Variants in PTPRT observed in about 807,000 individuals in gnomAD.
The protein encoded by PTPRT is receptor-type tyrosine-protein phosphatase T.
PTPRT carries 56 observed loss-of-function variants against 176.8 expected under a neutral mutation model. That is an observed-to-expected ratio of 0.32 (90% CI 0.26 to 0.40). PTPRT has a LOEUF of 0.40. Ranked by LOEUF, PTPRT falls within the 10% of genes least tolerant of loss-of-function variation. The probability of loss-of-function intolerance (pLI) is 1.00; values close to 1 mark genes in which losing one functional copy is unlikely to be tolerated. For missense variants in PTPRT, 1,540 were observed against 1,908.2 expected (o/e 0.81, Z 3.60); for synonymous variants, 783 against 739.0 (o/e 1.06, Z -0.96).
At chr20:42,644,189 G>A (rs2074832474) in intron 7 of PTPRT, among the ~76,000 whole-genome samples, 1 of 152,062 alleles carries the variant, frequency 6.6e-6, no homozygotes. Flanking sequence ...TCTCATCCAG[G>A]CCTCATTGTC....
Position 42,848,193 on chromosome 20 carries a change from T to C in PTPRT, c.214+37614A>G, listed in dbSNP as rs561420342. Among the ~76,000 whole-genome samples the C allele has an allele frequency of 3.7e-4, 56 of 152,338 alleles. 3 individuals carry two copies. The South Asian group carries it at 0.011, about 31-fold the overall frequency. ...CTTTTTATGGCTGGGTAATATTCCA[T>C]GGCATATACATGCCATAATTTCTTC... is the stretch of plus-strand genomic sequence containing the variant. On this transcript the variant is annotated intron_variant, in intron 2 of 30. Coordinates refer to ENST00000373187, the MANE Select transcript of PTPRT (RefSeq NM_007050.6).
intron 9 of PTPRT, among the ~76,000 whole-genome samples, chr20:42,367,856 G>A (rs1163729399): frequency 6.6e-6 from 1 of 152,184 alleles, no homozygotes; most frequent in Non-Finnish European, 1.5e-5. Flanking sequence ...TAGCCTGGGT[G>A]GCATGGGGGC....
chr20:42,619,170 T>C (rs1477012187), intron 7 of PTPRT, among the ~76,000 whole-genome samples: 1 of 150,676 alleles, frequency 6.6e-6, no homozygotes, highest in Admixed American at 6.6e-5. Flanking sequence ...TGCTTGTCTG[T>C]AAAGTATTTA....
chr20:42,170,715 A>G (rs1374087534), intron 16 of PTPRT, among the ~76,000 whole-genome samples: 1 of 152,228 alleles, frequency 6.6e-6, no homozygotes, highest in Non-Finnish European at 1.5e-5. Flanking sequence ...GAACAAAAAG[A>G]CATTTTTAGA....
intron 2 of PTPRT, among the ~76,000 whole-genome samples, chr20:42,881,140 C>A (rs2079004831): frequency 6.6e-6 from 1 of 152,130 alleles, no homozygotes; most frequent in African/African-American, 2.4e-5. Context: ...TTAGAAAAAC[C>A]AGCATTGACT....
At chr20:42,250,317 C>T (rs974983030) in intron 13 of PTPRT, among the ~76,000 whole-genome samples, 8 of 152,152 alleles carry the variant, frequency 5.3e-5, no homozygotes, top group African/African-American at 7.2e-5. Context: ...AAAAGGATGA[C>T]GTCTCTGCCC....
At chr20:42,847,743 C>T (rs1410640872) in intron 2 of PTPRT, among the ~76,000 whole-genome samples, 2 of 152,170 alleles carry the variant, frequency 1.3e-5, no homozygotes, top group Admixed American at 1.3e-4. Context: ...CTTCCCTGGG[C>T]CTACCATGTT....
At chr20:43,087,116 A>G (rs996480440) in intron 1 of PTPRT, among the ~76,000 whole-genome samples, 2 of 152,070 alleles carry the variant, frequency 1.3e-5, no homozygotes, top group African/African-American at 2.4e-5. Flanking sequence ...CTGTCCATAC[A>G]GTTTTGTCTT....
chr20:42,721,014 A>T (rs2076294321), intron 6 of PTPRT, among the ~76,000 whole-genome samples: 1 of 152,192 alleles, frequency 6.6e-6, no homozygotes, highest in Non-Finnish European at 1.5e-5. Context: ...ACAAAGTGTA[A>T]CAAGTGTCAA....
chr20:43,091,235 A>C (rs957547240), intron 1 of PTPRT, among the ~76,000 whole-genome samples: 1 of 152,296 alleles, frequency 6.6e-6, no homozygotes, highest in East Asian at 1.9e-4. Flanking sequence ...TCTCAAAAAA[A>C]AAACAAACCC....
intron 16 of PTPRT, among the ~76,000 whole-genome samples, chr20:42,190,663 G>A (rs963961824): frequency 1.3e-5 from 2 of 152,202 alleles, no homozygotes; most frequent in Non-Finnish European, 2.9e-5. Context: ...TAGGTCTGAG[G>A]TAGGGCCTGA....
At chr20:43,005,027 G>A (rs1056234141) in intron 1 of PTPRT, among the ~76,000 whole-genome samples, 1 of 152,108 alleles carries the variant, frequency 6.6e-6, no homozygotes, top group Non-Finnish European at 1.5e-5. Flanking sequence ...GATAGCTGAG[G>A]CTGACCGTCT....
intron 1 of PTPRT, among the ~76,000 whole-genome samples, chr20:42,888,481 T>C (rs1385586509): frequency 1.3e-5 from 2 of 152,204 alleles, no homozygotes; most frequent in African/African-American, 4.8e-5. Context: ...ACATTTTATC[T>C]CAACTTTAAA....
rs578036512 is a variant in PTPRT, at chr20:43,029,379, G to A, written c.89-143447C>T. 2.1e-3 allele frequency among the ~76,000 whole-genome samples: 323 copies of A among 152,290 alleles called. 4 individuals carry two copies. In the South Asian group the frequency reaches 0.034, roughly 16 times the overall value. ...AAGCAATTGTGATTGGAAGTGCTTC[G>A]GCTTTCATCACCAACTTCGGCAGCA... On this transcript the variant is annotated intron_variant, in intron 1 of 30. Transcript: ENST00000373187.
At chr20:42,379,614 T>G (rs1194881622) in intron 9 of PTPRT, among the ~76,000 whole-genome samples, 2 of 152,240 alleles carry the variant, frequency 1.3e-5, no homozygotes, top group African/African-American at 4.8e-5. Flanking sequence ...AAAGGAGTTA[T>G]ATGCCAGGTA....
At chr20:42,786,437 C>T (rs2077292083) in intron 3 of PTPRT, among the ~76,000 whole-genome samples, 1 of 152,148 alleles carries the variant, frequency 6.6e-6, no homozygotes, top group South Asian at 2.1e-4. Context: ...TCCCTAAAGG[C>T]AAAGCAGAGC....
At chr20:43,035,833 A>G (rs185643034) in intron 1 of PTPRT, among the ~76,000 whole-genome samples, 11 of 152,370 alleles carry the variant, frequency 7.2e-5, no homozygotes, top group African/African-American at 2.4e-4. Context: ...TAGTTGAGGA[A>G]AATTCCAGAT....
At chr20:42,245,944 C>T (rs1018677452) in intron 14 of PTPRT, among the ~76,000 whole-genome samples, 1 of 152,140 alleles carries the variant, frequency 6.6e-6, no homozygotes, top group Non-Finnish European at 1.5e-5. Context: ...GCAGTGTTGG[C>T]CTCTGTGAAC....
At chr20:42,210,283 G>A (rs1262655812) in intron 15 of PTPRT, among the ~76,000 whole-genome samples, 1 of 152,104 alleles carries the variant, frequency 6.6e-6, no homozygotes, top group Admixed American at 6.5e-5. Flanking sequence ...ACACAGTGTT[G>A]GAAGTTCTGG....
Sources: allele counts gnomAD v4.1 joint callset (sites outside exome capture counted in the v4.1 genomes callset), GRCh38; gene constraint gnomAD v4.1.1; transcripts MANE v1.5; gene names NCBI Gene and HGNC (gene_info 2026-07-23, HGNC 2026-07-21).